The following PSMA4 variants were observed in gnomAD, a reference collection of about 807,000 sequenced individuals.
PSMA4 encodes the protein proteasome subunit alpha type-4.
In PSMA4, 8 loss-of-function variants were observed where a neutral mutation model predicts 37.2. The observed-to-expected ratio is 0.22, with a 90% CI of 0.13 to 0.39. PSMA4 has a LOEUF of 0.39. Among genes scored for constraint, PSMA4 ranks in the 10% least tolerant of loss-of-function variants. The pLI is 1.00. For missense variants in PSMA4, 169 were observed against 305.1 expected, an observed-to-expected ratio of 0.55 and a Z score of 3.32; for synonymous variants, 93 against 98.8, an observed-to-expected ratio of 0.94 and a Z score of 0.35.
intron 8 of PSMA4, among the ~76,000 whole-genome samples, chr15:78,548,217 G>A (rs1053609321): frequency 2.0e-5 from 3 of 151,224 alleles, no homozygotes; most frequent in Admixed American, 2.0e-4. Flanking sequence ...GGCAACAAGA[G>A]CAAAACTCCA....
chr15:78,542,099 T>C, intron 2 of PSMA4, 78 bp from the exon 3 acceptor site: 3 of 1,515,858 alleles, frequency 2.0e-6, no homozygotes, highest in Non-Finnish European at 2.7e-6. Context: ...GGATAGGTTT[T>C]GTAAGATCAT....
Position 78,546,659 on chromosome 15 carries a change from A to G in PSMA4, c.592A>G (p.Asn198Asp). ...ACTTGCTTTAGCTATCAAAGTACTA[A>G]ATAAGACCATGGATGTTAGTAAACT... ...SALALAIKVL[N>D]KTMDVSKLSA... The change falls in exon 8 of 9, where the codon AAT becomes GAT. Residue 198 changes from asparagine (N) to aspartate (D), a missense_variant. By Grantham distance (23) the Asn-to-Asp change is conservative (BLOSUM62 1). Transcript: ENST00000044462. 6.2e-7 allele frequency: 1 copy of G among 1,604,812 alleles called. No individual in the cohort carries two copies.
At chr15:78,542,001 G>A (rs758888270) in intron 2 of PSMA4, 71 bp downstream of exon 2, 67 of 1,538,416 alleles carry the variant, frequency 4.4e-5, no homozygotes, top group Admixed American at 9.8e-5. Flanking sequence ...TTACAGACTT[G>A]AGTGGGAAAA....
At chr15:78,543,026 C>T (rs1470212545) in intron 4 of PSMA4, among the ~76,000 whole-genome samples, 1 of 152,170 alleles carries the variant, frequency 6.6e-6, no homozygotes, top group Admixed American at 6.5e-5. Context: ...AGTATAGTAT[C>T]TGGCATTTAG....
At chr15:78,545,063 T>G (rs1216926388) in intron 6 of PSMA4, 106 bp downstream of exon 6, 1 of 671,484 alleles carries the variant, frequency 1.5e-6, no homozygotes, top group Non-Finnish European at 2.4e-6. Flanking sequence ...TGTTTTAAAT[T>G]AAATTTAATT....
chr15:78,543,259 G>A lies in PSMA4; in HGVS notation c.209+614G>A, dbSNP rs1003064398. ...TTCAGTGGTGGTGGGCTTGGTAAAT[G>A]CTGATTATCAGGGCCTTTTGATAAA... is the stretch of plus-strand genomic sequence containing the variant. On this transcript the variant is annotated intron_variant, in intron 4 of 8. Transcript: ENST00000044462. Among the ~76,000 whole-genome samples the A allele has an allele frequency of 4.6e-5, 7 of 152,300 alleles. No homozygotes were observed. The South Asian group carries it at 1.0e-3, about 23-fold the overall frequency.
rs1193669229 is a variant in PSMA4, at chr15:78,551,108, C to G, written c.*2164C>G. 6.6e-6 allele frequency: 1 copy of G among 152,170 alleles called. No individual in the cohort carries two copies. Among genetic ancestry groups the G allele is most frequent in the Non-Finnish European group, 1.5e-5 (1 of 68,048 alleles). 9.4% of individuals were successfully genotyped at this position (152,170 alleles called of 1,614,324 possible). A position where few individuals can be genotyped will look rare whatever the true frequency, so the allele number is the denominator to read the frequency against. Reference sequence around the variant, plus strand: ...TCTCTGACTTGGACTATTGCAACAGCCTCCTAACTGGTTCCTTGCCTCCAC... The same window carrying G: ...TCTCTGACTTGGACTATTGCAACAGGCTCCTAACTGGTTCCTTGCCTCCAC... On this transcript the variant is annotated 3_prime_UTR_variant, in exon 9 of 9. Transcript: ENST00000044462.
chr15:78,544,186 C>A lies in PSMA4; in HGVS notation c.210-4C>A. On this transcript the variant is annotated splice_region_variant and splice_polypyrimidine_tract_variant and intron_variant, in intron 4 of 8. Coordinates refer to ENST00000044462, the MANE Select transcript of PSMA4 (RefSeq NM_002789.6). Reference sequence around the variant, plus strand: ...TTACAGATCAATGTCTTTTTTTCTTCAAGGGACATGGCTTGCAGTGTGGCA... The same window carrying A: ...TTACAGATCAATGTCTTTTTTTCTTAAAGGGACATGGCTTGCAGTGTGGCA... 6.2e-7 allele frequency: 1 copy of A among 1,610,870 alleles called. No individual in the cohort carries two copies. The highest frequency in any genetic ancestry group is 1.1e-5 in the South Asian group (1 of 90,770).
At chr15:78,542,005 G>A in intron 2 of PSMA4, 75 bp downstream of exon 2, 1 of 1,530,242 alleles carries the variant, frequency 6.5e-7, no homozygotes, top group Non-Finnish European at 8.9e-7. Flanking sequence ...AGACTTGAGT[G>A]GGAAAATTGA....
chr15:78,548,881 G>C lies in PSMA4; in HGVS notation c.723G>C (p.Glu241Asp). ...TGGAGCAGTTGATCAAAAAACATGA[G>C]GAAGAAGAAGCCAAAGCTGAGCGTG... The part of the protein sequence containing the change: ...KEVEQLIKKH[E>D]EEEAKAEREK... The change falls in exon 9 of 9, where the codon GAG (glutamate) becomes GAC (aspartate). Residue 241 changes from glutamate to aspartate, a missense_variant. This residue lies in a region of PSMA4 where 90 missense variants were observed against 92.7 expected (regional missense o/e 0.97). Transcript: ENST00000044462. 6.2e-7 allele frequency: 1 copy of C among 1,612,418 alleles called. No homozygotes were observed. The highest frequency in any genetic ancestry group is 1.1e-5 in the South Asian group (1 of 90,632).
At chr15:78,544,575 A>C (rs111972507) in intron 5 of PSMA4, 13,556 of 445,288 alleles carry the variant, frequency 0.03, 598 homozygotes, top group African/African-American at 0.12. Flanking sequence ...CTGGGATTAC[A>C]GGCATTAGCC....
intron 6 of PSMA4, among the ~76,000 whole-genome samples, chr15:78,545,319 G>A (rs779797004): frequency 6.6e-6 from 1 of 152,152 alleles, no homozygotes; most frequent in Non-Finnish European, 1.5e-5. Context: ...CCTCCACCAT[G>A]TAGATTACCC....
chr15:78,546,020 T>G (rs1047481679), intron 7 of PSMA4, among the ~76,000 whole-genome samples: 6 of 152,198 alleles, frequency 3.9e-5, no homozygotes, highest in Non-Finnish European at 8.8e-5. Flanking sequence ...TCACATCTAG[T>G]TTACAGACCC....
In PSMA4 at chr15:78,549,660, C is replaced by T. The variant is rs1478440605; in HGVS notation, c.*716C>T. The T allele has an allele frequency of 6.6e-6, 1 of 152,232 alleles. No individual in the cohort carries two copies. Among genetic ancestry groups the T allele is most frequent in the African/African-American group, 2.4e-5 (1 of 41,468 alleles). The allele number at this position is 152,232 out of a possible 1,614,324, so 9.4% of individuals were successfully genotyped here. Reference sequence around the variant, plus strand: ...GCATCACCTATGCAGATTCTGATGTCCCATCCCAGATCTACTGAATTAAAA... The same window carrying T: ...GCATCACCTATGCAGATTCTGATGTTCCATCCCAGATCTACTGAATTAAAA... On this transcript the variant is annotated 3_prime_UTR_variant, in exon 9 of 9. Coordinates refer to ENST00000044462, the MANE Select transcript of PSMA4 (RefSeq NM_002789.6).
rs1345121140 is a variant in PSMA4, at chr15:78,551,862, A to G, written c.*2918A>G. Reference sequence around the variant, plus strand: ...AGCTAGGACAACTTCTTCAAAGGCAATAGTGAATAAGAGAGCCTGGTATAG... The same window carrying G: ...AGCTAGGACAACTTCTTCAAAGGCAGTAGTGAATAAGAGAGCCTGGTATAG... On this transcript the variant is annotated 3_prime_UTR_variant, in exon 9 of 9. Coordinates refer to ENST00000044462, the MANE Select transcript of PSMA4 (RefSeq NM_002789.6). The G allele has an allele frequency of 1.3e-5, 2 of 152,190 alleles. No individual in the cohort carries two copies. The highest frequency in any genetic ancestry group is 6.5e-5 in the Admixed American group (1 of 15,280). The allele number at this position is 152,190 out of a possible 1,614,324, so 9.4% of individuals were successfully genotyped here.
rs764151210 is a variant in PSMA4 at position 78,544,277 on chromosome 15, TA to T, written c.287+13del. ...GGCTCATTGCTCAAAGGTATGGTCA[TA>T]AATAGCATAACTGATGATACAGAAA... On this transcript the variant is annotated intron_variant, in intron 5 of 8. Transcript: ENST00000044462. 2.6e-6 allele frequency: 4 copies of T among 1,532,450 alleles called. No homozygotes were observed. Among genetic ancestry groups the T allele is most frequent in the Non-Finnish European group, 3.5e-6 (4 of 1,143,030 alleles). 94.9% of individuals were successfully genotyped at this position (1,532,450 alleles called of 1,614,324 possible). A position where few individuals can be genotyped will look rare whatever the true frequency, so the allele number is the denominator to read the frequency against.
chr15:78,549,105 T>C lies in PSMA4; in HGVS notation c.*161T>C. 1.8e-6 allele frequency: 2 copies of C among 1,097,794 alleles called. No individual in the cohort carries two copies. The highest frequency in any genetic ancestry group is 2.4e-6 in the Non-Finnish European group (2 of 846,862). 68.0% of individuals were successfully genotyped at this position (1,097,794 alleles called of 1,614,324 possible). A position where few individuals can be genotyped will look rare whatever the true frequency, so the allele number is the denominator to read the frequency against. On this transcript the variant is annotated 3_prime_UTR_variant, in exon 9 of 9. Coordinates refer to ENST00000044462, the MANE Select transcript of PSMA4 (RefSeq NM_002789.6). The stretch of plus-strand genomic sequence containing the variant: ...GTCATTTCTGTCCAATTGAATACTT[T>C]ATTGTAACGATGATGGTTACCCTTC...
chr15:78,543,006 GAAATA>G (rs1404366541), intron 4 of PSMA4, among the ~76,000 whole-genome samples: 1 of 152,154 alleles, frequency 6.6e-6, no homozygotes, highest in Non-Finnish European at 1.5e-5. Flanking sequence ...TAAAATGAAT[GAAATA>G]AAATAGTATA....
At chr15:78,548,231 CAA>C (rs938797848) in intron 8 of PSMA4, among the ~76,000 whole-genome samples, 2 of 142,026 alleles carry the variant, frequency 1.4e-5, no homozygotes, top group Admixed American at 7.1e-5. Flanking sequence ...AACTCCATCT[CAA>C]AAAAAAAAAG....
Sources: allele counts gnomAD v4.1 joint callset (sites outside exome capture counted in the v4.1 genomes callset), GRCh38; gene constraint gnomAD v4.1.1; regional missense constraint gnomAD v4.1.1; transcripts MANE v1.5; gene names NCBI Gene and HGNC (gene_info 2026-07-23, HGNC 2026-07-21).